NBPF8: variants seen among roughly 807,000 people sequenced by gnomAD.
NBPF8 encodes the protein NBPF member 8.
chr1:120,417,870 G>A (rs1296089909), upstream of NBPF8, among the ~76,000 whole-genome samples: 1 of 139,880 alleles, frequency 7.1e-6, no homozygotes, highest in African/African-American at 2.8e-5. Flanking sequence ...CAGAGTGTGG[G>A]GATTACAGGC....
At chr1:120,463,342 A>G (rs1312471942) in intron 21 of NBPF8, among the ~76,000 whole-genome samples, 2 of 138,570 alleles carry the variant, frequency 1.4e-5, no homozygotes, top group African/African-American at 5.6e-5. Flanking sequence ...GCATTTGATG[A>G]GACAGGGCTG....
rs1437413927 is a variant in NBPF8 at position 120,452,103 on chromosome 1, C to A, written n.2075-14C>A. 111 of 1,512,166 alleles carry A rather than the reference C, an allele frequency of 7.3e-5. No homozygotes were observed. In the East Asian group the frequency reaches 2.2e-3, roughly 30 times the overall value. 93.7% of individuals were successfully genotyped at this position (1,512,166 alleles called of 1,614,324 possible). On this transcript the variant is annotated splice_polypyrimidine_tract_variant and intron_variant and non_coding_transcript_variant, in intron 12 of 24. Transcript: ENST00000583271. ...CCTTTCCACTCTTAAATTTTCTCTA[C>A]CGTCTCACCTTAGGCAATATAAAGT...
At chr1:120,460,459 C>T (rs1661548929) in intron 17 of NBPF8, 114 bp from the exon 16 acceptor site, 2 of 795,458 alleles carry the variant, frequency 2.5e-6, no homozygotes, top group Admixed American at 1.7e-5. Flanking sequence ...TCAAAGTCTC[C>T]TGTTCTCACA....
At chr1:120,460,019 C>T (rs1251384272) in intron 17 of NBPF8, among the ~76,000 whole-genome samples, 2 of 152,104 alleles carry the variant, frequency 1.3e-5, no homozygotes, top group Non-Finnish European at 2.9e-5. Flanking sequence ...TTTTCTGTGT[C>T]TTCTAAGTTC....
At chr1:120,421,897 TCTG>T (rs1660587538) in intron 1 of NBPF8, among the ~76,000 whole-genome samples, 1 of 152,134 alleles carries the variant, frequency 6.6e-6, no homozygotes, top group Non-Finnish European at 1.5e-5. Context: ...GCCTAACTGA[TCTG>T]CTATCTGTGT....
At chr1:120,415,190 G>A (rs1227965176), upstream of NBPF8, among the ~76,000 whole-genome samples, 10 of 152,170 alleles carry the variant, frequency 6.6e-5, no homozygotes, top group Admixed American at 4.6e-4. Context: ...GACCTGTGGC[G>A]CCAGGAGCGG....
rs1215296286 is a variant in NBPF8 at position 120,451,939 on chromosome 1, G to A, written n.2075-178G>A. Among the ~76,000 whole-genome samples the A allele has an allele frequency of 8.5e-5, 13 of 152,062 alleles. No homozygotes were observed. The East Asian group carries it at 2.5e-3, about 29-fold the overall frequency. ...TTGCAAGAGCTCTCTGTGATACAGAGGAAGCCTGTAAACCATTTTCTATTC... is the reference window on the plus strand; with the variant it reads ...TTGCAAGAGCTCTCTGTGATACAGAAGAAGCCTGTAAACCATTTTCTATTC... On this transcript the variant is annotated intron_variant and non_coding_transcript_variant, in intron 12 of 24. Coordinates refer to ENST00000583271, the Ensembl canonical transcript of NBPF8.
intron 16 of NBPF8, among the ~76,000 whole-genome samples, chr1:120,457,782 C>A: frequency 3.7e-5 from 2 of 54,730 alleles, no homozygotes; most frequent in African/African-American, 1.4e-4. Context: ...TAAAGGAAAA[C>A]TATACATATG....
At chr1:120,464,512 G>C in exon 23 of NBPF8, 1 of 1,039,720 alleles carries the variant, frequency 9.6e-7, no homozygotes, top group Non-Finnish European at 1.5e-6. Flanking sequence ...TTATGCATTG[G>C]AGGAAAAACA....
At chr1:120,420,695 T>C (rs1193620307) in intron 1 of NBPF8, among the ~76,000 whole-genome samples, 2 of 145,714 alleles carry the variant, frequency 1.4e-5, no homozygotes, top group South Asian at 4.3e-4. Context: ...TCCAGAATCC[T>C]GTAGGACTTA....
exon 6 of NBPF8, chr1:120,443,018 C>A: frequency 7.5e-6 from 3 of 397,910 alleles, no homozygotes; most frequent in East Asian, 1.3e-4. Flanking sequence ...ACTCAACTGG[C>A]CGGCTTCCTG....
At chr1:120,457,137 G>A (rs1313811121) in intron 16 of NBPF8, among the ~76,000 whole-genome samples, 2 of 151,656 alleles carry the variant, frequency 1.3e-5, no homozygotes, top group Non-Finnish European at 3.0e-5. Flanking sequence ...TGGTGGGACT[G>A]TAAACTAGTT....
intron 1 of NBPF8, among the ~76,000 whole-genome samples, chr1:120,420,442 C>T (rs1384881661): frequency 2.9e-4 from 42 of 143,792 alleles, no homozygotes; most frequent in Admixed American, 7.5e-4. Flanking sequence ...CCCCCATTTC[C>T]GTCTCTTGTT....
At chr1:120,435,738 C>T (rs1462145129), upstream of NBPF8, among the ~76,000 whole-genome samples, 1 of 150,618 alleles carries the variant, frequency 6.6e-6, no homozygotes, top group Non-Finnish European at 1.5e-5. Flanking sequence ...TGGTGGCGGG[C>T]GCCTGTATTC....
intron 11 of NBPF8, among the ~76,000 whole-genome samples, chr1:120,449,960 G>A (rs1196859746): frequency 2.0e-5 from 3 of 152,128 alleles, no homozygotes; most frequent in African/African-American, 7.2e-5. Context: ...CGTGCATGGT[G>A]GCTCACTCCT....
chr1:120,461,225 T>C, intron 18 of NBPF8, 29 bp from the exon 17 acceptor site: 1 of 604,812 alleles, frequency 1.7e-6, no homozygotes, highest in Non-Finnish European at 3.0e-6. Flanking sequence ...TCCCCATGGC[T>C]TATTCTTTAC....
intron 13 of NBPF8, among the ~76,000 whole-genome samples, chr1:120,452,668 T>C (rs1349047468): frequency 6.6e-6 from 1 of 152,262 alleles, no homozygotes; most frequent in Non-Finnish European, 1.5e-5. Flanking sequence ...GTTCCCAGGC[T>C]GTCTTTTCGG....
At chr1:120,426,166 T>G (rs1286170853) in intron 2 of NBPF8, among the ~76,000 whole-genome samples, 6 of 149,336 alleles carry the variant, frequency 4.0e-5, no homozygotes, top group Non-Finnish European at 7.4e-5. Context: ...CTATTCTTGT[T>G]TGTGGGGGAC....
At chr1:120,426,996 T>C (rs1660745629) in intron 2 of NBPF8, among the ~76,000 whole-genome samples, 1 of 135,658 alleles carries the variant, frequency 7.4e-6, no homozygotes, top group Non-Finnish European at 1.6e-5. Context: ...GGCTCTCTGC[T>C]CTGCATTTCT....
Sources: allele counts gnomAD v4.1 joint callset (sites outside exome capture counted in the v4.1 genomes callset), GRCh38; gene constraint gnomAD v4.1.1; transcripts MANE v1.5; gene names NCBI Gene and HGNC (gene_info 2026-07-23, HGNC 2026-07-21).